SAMD3: variants seen among roughly 807,000 people sequenced by gnomAD.
SAMD3 encodes the protein sterile alpha motif domain-containing protein 3.
In SAMD3, 63 loss-of-function variants were observed where a neutral mutation model predicts 58.5. That is an observed-to-expected ratio of 1.08 (90% CI 0.88 to 1.33). The LOEUF is 1.33. Ranked by LOEUF, SAMD3 falls within the 40% of genes most tolerant of loss-of-function variation. SAMD3 has a pLI of 0.00. For synonymous variants in SAMD3, 220 were observed against 210.3 expected (o/e 1.05, Z -0.40); for missense variants, 604 against 608.4 (o/e 0.99, Z 0.08).
At chr6:130,274,849 C>T (rs922273592) in intron 2 of SAMD3, among the ~76,000 whole-genome samples, 5 of 151,638 alleles carry the variant, frequency 3.3e-5, no homozygotes, top group African/African-American at 1.2e-4. Context: ...TATTTGATTG[C>T]AATGTCTCTT....
intron 2 of SAMD3, among the ~76,000 whole-genome samples, chr6:130,310,049 C>G (rs1246659262): frequency 6.6e-6 from 1 of 152,156 alleles, no homozygotes; most frequent in Admixed American, 6.6e-5. Context: ...AATCCAAACC[C>G]CAAATGGGCT....
intron 2 of SAMD3, among the ~76,000 whole-genome samples, chr6:130,290,452 C>T (rs1477460861): frequency 1.3e-5 from 2 of 152,138 alleles, no homozygotes; most frequent in African/African-American, 4.8e-5. Flanking sequence ...CTGCTTTACT[C>T]GAGGTTTACC....
At chr6:130,162,197 C>T (rs910725181) in intron 8 of SAMD3, 5 of 696,170 alleles carry the variant, frequency 7.2e-6, no homozygotes, top group South Asian at 4.5e-5. Context: ...TACTCCAACA[C>T]CACAGTAACC....
chr6:130,168,796 ATCTTTT>A (rs771225976), intron 8 of SAMD3, among the ~76,000 whole-genome samples: 12 of 152,126 alleles, frequency 7.9e-5, no homozygotes, highest in Non-Finnish European at 1.3e-4. Context: ...ATGTTCAGAA[ATCTTTT>A]TCTTTTTCTT....
intron 2 of SAMD3, among the ~76,000 whole-genome samples, chr6:130,259,233 G>T (rs1282144819): frequency 6.6e-6 from 1 of 152,146 alleles, no homozygotes; most frequent in African/African-American, 2.4e-5. Context: ...TTTAAAAAAG[G>T]TTTATTTGGC....
At chr6:130,164,478 C>T (rs559272490) in intron 8 of SAMD3, among the ~76,000 whole-genome samples, 25 of 152,228 alleles carry the variant, frequency 1.6e-4, no homozygotes, top group Non-Finnish European at 3.2e-4. Flanking sequence ...CTAGCCTGAT[C>T]CTCAAAAAAT....
At chr6:130,196,937 A>G (rs1196868610) in intron 5 of SAMD3, among the ~76,000 whole-genome samples, 2 of 152,226 alleles carry the variant, frequency 1.3e-5, no homozygotes, top group East Asian at 1.9e-4. Context: ...ATAACAGACC[A>G]GCCTTTATTA....
chr6:130,313,809 AT>A (rs1776268967), intron 1 of SAMD3, among the ~76,000 whole-genome samples: 1 of 152,192 alleles, frequency 6.6e-6, no homozygotes, highest in Non-Finnish European at 1.5e-5. Context: ...AGATTTAAGT[AT>A]TTCCAAGATT....
chr6:130,334,982 G>C (rs1354660809), intron 1 of SAMD3, among the ~76,000 whole-genome samples: 1 of 152,204 alleles, frequency 6.6e-6, no homozygotes, highest in African/African-American at 2.4e-5. Context: ...TCATTTAAAA[G>C]ATTTATAATA....
In SAMD3 at chr6:130,284,786, C is replaced by T. The variant is rs80106226; in HGVS notation, c.-188+28192G>A. ...TTATTAGGGATGAAGATGGTTACTA[C>T]GCGTTGATAAAAGATTCAAGTCACA... On this transcript the variant is annotated intron_variant, in intron 2 of 13. Transcript: ENST00000368134. 1.6e-3 allele frequency among the ~76,000 whole-genome samples: 249 copies of T among 152,212 alleles called. 2 individuals carry two copies. In the East Asian group the frequency reaches 0.039, roughly 24 times the overall value.
chr6:130,148,025 G>A (rs1481300590), intron 9 of SAMD3, among the ~76,000 whole-genome samples: 2 of 152,126 alleles, frequency 1.3e-5, no homozygotes, highest in African/African-American at 4.8e-5. Context: ...GTTTTTCCAC[G>A]TAAAATTAAT....
intron 2 of SAMD3, among the ~76,000 whole-genome samples, chr6:130,264,208 G>T (rs1774251355): frequency 1.3e-5 from 2 of 152,154 alleles, no homozygotes; most frequent in Non-Finnish European, 2.9e-5. Flanking sequence ...GTATTCTACA[G>T]CCTGGAGTAA....
intron 2 of SAMD3, among the ~76,000 whole-genome samples, chr6:130,243,474 G>T (rs1482349197): frequency 6.6e-6 from 1 of 152,156 alleles, no homozygotes; most frequent in Admixed American, 6.5e-5. Flanking sequence ...AGTACCAGAT[G>T]CTGTGTATTC....
At chr6:130,275,433 C>T (rs1363319463) in intron 2 of SAMD3, among the ~76,000 whole-genome samples, 1 of 152,086 alleles carries the variant, frequency 6.6e-6, no homozygotes, top group Non-Finnish European at 1.5e-5. Context: ...CCAAACAGTT[C>T]AGAAATCTAT....
chr6:130,253,017 A>G (rs73607949), intron 2 of SAMD3, among the ~76,000 whole-genome samples: 2,023 of 152,292 alleles, frequency 0.013, 40 homozygotes, highest in African/African-American at 0.046. Flanking sequence ...GGTGAAGGCC[A>G]TCTGGGTCAG....
intron 1 of SAMD3, among the ~76,000 whole-genome samples, chr6:130,321,209 TTCTA>T (rs1776574463): frequency 6.6e-6 from 1 of 152,240 alleles, no homozygotes; most frequent in South Asian, 2.1e-4. Context: ...GTCTTTCTCA[TTCTA>T]TCTTTCTTAG....
chr6:130,329,102 T>C (rs1477859743), intron 1 of SAMD3, among the ~76,000 whole-genome samples: 2 of 152,148 alleles, frequency 1.3e-5, no homozygotes, highest in African/African-American at 4.8e-5. Context: ...TACTTATTTA[T>C]ATTACATGTA....
chr6:130,204,316 A>C (rs561668678), intron 5 of SAMD3, among the ~76,000 whole-genome samples: 2 of 152,322 alleles, frequency 1.3e-5, no homozygotes, highest in East Asian at 3.9e-4. Context: ...CTTCCCAAAA[A>C]ATCACCAGCA....
intron 2 of SAMD3, among the ~76,000 whole-genome samples, chr6:130,230,625 T>A (rs1582982020): frequency 6.6e-6 from 1 of 152,152 alleles, no homozygotes; most frequent in Non-Finnish European, 1.5e-5. Context: ...TGACCTCAGG[T>A]GATCCACCTG....
Sources: gnomAD v4.1 joint callset for allele counts (sites outside exome capture counted in the v4.1 genomes callset) on GRCh38, gnomAD v4.1.1 for gene constraint, MANE v1.5 for transcripts, NCBI Gene and HGNC (gene_info 2026-07-23, HGNC 2026-07-21) for gene names.